The following DAB1 variants were observed in gnomAD, a reference collection of about 807,000 sequenced individuals.
The protein encoded by DAB1 is disabled homolog 1.
A neutral mutation model predicts 64.6 loss-of-function variants in DAB1; 15 were observed. The observed-to-expected ratio is 0.23, with a 90% CI of 0.16 to 0.36. DAB1 has a LOEUF of 0.36. DAB1 is among the 10% of genes least tolerant of loss of function. The probability of loss-of-function intolerance (pLI) is 1.00; values close to 1 mark genes in which losing one functional copy is unlikely to be tolerated. For synonymous variants in DAB1, 235 were observed against 251.9 expected, an observed-to-expected ratio of 0.93 and a Z score of 0.64; for missense variants, 596 against 706.7, an observed-to-expected ratio of 0.84 and a Z score of 1.78.
At chr1:57,429,319 C>T (rs12132290) in intron 7 of DAB1, among the ~76,000 whole-genome samples, 4,928 of 152,198 alleles carry the variant, frequency 0.032, 83 homozygotes, top group South Asian at 0.05. Context: ...GTCCTTTGCC[C>T]GTTTTAAAAA....
At chr1:57,809,834 T>G (rs1651533869) in intron 6 of DAB1, among the ~76,000 whole-genome samples, 1 of 152,216 alleles carries the variant, frequency 6.6e-6, no homozygotes, top group Admixed American at 6.5e-5. Context: ...ACATGTCAAA[T>G]ATGACTAGAA....
At chr1:58,282,454 G>A (rs933216290) in intron 4 of DAB1, among the ~76,000 whole-genome samples, 1 of 152,102 alleles carries the variant, frequency 6.6e-6, no homozygotes, top group African/African-American at 2.4e-5. Context: ...TTCATAGTGG[G>A]AAACATTCTT....
rs1686830105 is a variant in DAB1, at chr1:57,462,804, A to G, written n.626-171638T>C. 2.0e-5 allele frequency among the ~76,000 whole-genome samples: 3 copies of G among 152,174 alleles called. 1 individual carries two copies. The South Asian group carries it at 6.2e-4, about 32-fold the overall frequency. On this transcript the variant is annotated intron_variant and non_coding_transcript_variant, in intron 7 of 20. Transcript: ENST00000485760. ...AGGATCTAGCATGTAAATAAGAAGA[A>G]AACTAATATATAATGTAGTGCTTGC...
At chr1:57,379,535 T>A (rs1386763296) in intron 1 of DAB1, among the ~76,000 whole-genome samples, 1 of 152,180 alleles carries the variant, frequency 6.6e-6, no homozygotes, top group East Asian at 1.9e-4. Context: ...ATTTTCCCCA[T>A]CAGGTGTGGT....
At chr1:57,469,630 T>A (rs1687072310) in intron 7 of DAB1, among the ~76,000 whole-genome samples, 1 of 152,158 alleles carries the variant, frequency 6.6e-6, no homozygotes, top group African/African-American at 2.4e-5. Context: ...TTCCCTTAAC[T>A]CTGCCCAGAT....
rs192300547 is a variant in DAB1, at chr1:56,996,543, A to G, written c.*1601T>C. ...TCACGTACAAACAGTCCAGTGATTT[A>G]TATCGGGGGTAGGTGGGAGTGGGGA... On this transcript the variant is annotated 3_prime_UTR_variant, in exon 15 of 15. Coordinates refer to ENST00000371236, the MANE Select transcript of DAB1 (RefSeq NM_001365792.1). 3 of 152,358 alleles carry G rather than the reference A, an allele frequency of 2.0e-5. No individual in the cohort carries two copies. The highest frequency in any genetic ancestry group is 2.1e-4 in the South Asian group (1 of 4,826). The allele number at this position is 152,358 out of a possible 1,614,324, so 9.4% of individuals were successfully genotyped here.
At chr1:58,219,025 C>CTCTCTCTCTCTCTGTGTG (rs376130413) in intron 4 of DAB1, among the ~76,000 whole-genome samples, 23 of 129,550 alleles carry the variant, frequency 1.8e-4, no homozygotes, top group African/African-American at 6.2e-4. Context: ...CTCTCTCTCT[C>CTCTCTCTCTCTCTGTGTG]TGTGTGTGTG....
intron 7 of DAB1, among the ~76,000 whole-genome samples, chr1:57,634,957 A>G (rs144092236): frequency 9.8e-5 from 15 of 152,348 alleles, no homozygotes; most frequent in South Asian, 2.1e-4. Context: ...TCTGAAGGTT[A>G]TAAGGGGTAA....
In DAB1 at chr1:57,665,101, G is replaced by A. The variant is rs372131614; in HGVS notation, n.552-15436C>T. ...AACATCATTCTGAAAAAGCATATTT[G>A]TATAAAAATATTTGACAAATGCAAT... On this transcript the variant is annotated intron_variant and non_coding_transcript_variant, in intron 6 of 20. Coordinates refer to the DAB1 transcript ENST00000485760. Among the ~76,000 whole-genome samples the A allele has an allele frequency of 2.9e-4, 44 of 151,952 alleles. No individual in the cohort carries two copies. The East Asian group carries it at 6.6e-3, about 23-fold the overall frequency.
intron 5 of DAB1, among the ~76,000 whole-genome samples, chr1:58,111,225 G>T (rs1484512675): frequency 6.6e-6 from 1 of 152,224 alleles, no homozygotes; most frequent in African/African-American, 2.4e-5. Flanking sequence ...CCACATAGCT[G>T]TGTAATCTCA....
chr1:57,260,178 T>A (rs550726181), intron 2 of DAB1, among the ~76,000 whole-genome samples: 1 of 152,278 alleles, frequency 6.6e-6, no homozygotes, highest in South Asian at 2.1e-4. Context: ...ACACCAGGGC[T>A]GTGCTCTGTG....
At chr1:58,195,119 C>A (rs1657599446) in intron 4 of DAB1, among the ~76,000 whole-genome samples, 1 of 147,698 alleles carries the variant, frequency 6.8e-6, no homozygotes, top group Non-Finnish European at 1.5e-5. Flanking sequence ...CTTAGAAGGG[C>A]CACCAGGAGA....
At chr1:57,062,269 C>T (rs1650480132) in intron 9 of DAB1, among the ~76,000 whole-genome samples, 1 of 152,134 alleles carries the variant, frequency 6.6e-6, no homozygotes, top group Non-Finnish European at 1.5e-5. Context: ...TGCATATGAC[C>T]TTTTCCAAAA....
intron 2 of DAB1, among the ~76,000 whole-genome samples, chr1:57,145,953 A>G (rs1659083810): frequency 6.6e-6 from 1 of 152,234 alleles, no homozygotes; most frequent in Non-Finnish European, 1.5e-5. Context: ...ACAGTTATCA[A>G]AAAATGGTTT....
intron 3 of DAB1, among the ~76,000 whole-genome samples, chr1:57,144,253 G>A (rs1658888907): frequency 3.3e-5 from 5 of 151,778 alleles, no homozygotes; most frequent in Admixed American, 2.6e-4. Flanking sequence ...TATGATATTT[G>A]TATACTTCTT....
intron 4 of DAB1, among the ~76,000 whole-genome samples, chr1:58,296,361 C>T (rs1489569818): frequency 6.6e-6 from 1 of 152,120 alleles, no homozygotes; most frequent in Non-Finnish European, 1.5e-5. Flanking sequence ...TGTGGTCCCT[C>T]CCAAAGGACC....
chr1:58,032,587 C>T (rs1399761021), intron 5 of DAB1, among the ~76,000 whole-genome samples: 5 of 152,150 alleles, frequency 3.3e-5, no homozygotes, highest in Admixed American at 2.6e-4. Context: ...TGTCAGCCAG[C>T]AGGAGTTGTC....
intron 2 of DAB1, among the ~76,000 whole-genome samples, chr1:58,509,700 A>C (rs1557446599): frequency 6.6e-6 from 1 of 151,752 alleles, no homozygotes; most frequent in Non-Finnish European, 1.5e-5. Flanking sequence ...ATAGAAAAAA[A>C]TTAAAACTAA....
At chr1:58,516,947 G>A (rs973739533) in intron 2 of DAB1, among the ~76,000 whole-genome samples, 8 of 152,116 alleles carry the variant, frequency 5.3e-5, no homozygotes, top group African/African-American at 1.9e-4. Context: ...AGGTTGCCTA[G>A]GAAGGAGAGA....
Sources: gnomAD v4.1 joint callset for allele counts (sites outside exome capture counted in the v4.1 genomes callset) on GRCh38, gnomAD v4.1.1 for gene constraint, MANE v1.5 for transcripts, NCBI Gene and HGNC (gene_info 2026-07-23, HGNC 2026-07-21) for gene names.